The following SUCLG2 variants were observed in gnomAD, a reference collection of about 807,000 sequenced individuals.
The protein encoded by SUCLG2 is succinate--CoA ligase [GDP-forming] subunit beta, mitochondrial.
Under a neutral mutation model 47.9 loss-of-function variants are expected in SUCLG2, and 42 were observed. That is an observed-to-expected ratio of 0.88 (90% CI 0.69 to 1.14). The LOEUF (loss-of-function observed/expected upper bound fraction) is 1.14, where lower values mean the gene tolerates loss of function less well. Ranked by LOEUF, SUCLG2 falls within the 50% of genes most tolerant of loss-of-function variation. The probability of loss-of-function intolerance (pLI) is 0.00; values close to 1 mark genes in which losing one functional copy is unlikely to be tolerated. For missense variants in SUCLG2, 571 were observed against 525.9 expected, an observed-to-expected ratio of 1.09 and a Z score of -0.84; for synonymous variants, 195 against 197.3, an observed-to-expected ratio of 0.99 and a Z score of 0.10.
At chr3:67,364,587 T>C (rs1296299284) in intron 10 of SUCLG2, among the ~76,000 whole-genome samples, 1 of 152,154 alleles carries the variant, frequency 6.6e-6, no homozygotes, top group African/African-American at 2.4e-5. Flanking sequence ...CCAGGAGTGA[T>C]AAGGAGCCTC....
At chr3:67,416,965 A>C (rs2106849153) in intron 9 of SUCLG2, among the ~76,000 whole-genome samples, 1 of 152,286 alleles carries the variant, frequency 6.6e-6, no homozygotes, top group African/African-American at 2.4e-5. Context: ...CTGTGGAAAA[A>C]CCAACCTTAT....
intron 2 of SUCLG2, among the ~76,000 whole-genome samples, chr3:67,607,087 T>C (rs1700432564): frequency 6.6e-6 from 1 of 152,192 alleles, no homozygotes; most frequent in African/African-American, 2.4e-5. Context: ...TACTGATACC[T>C]GGACAAGACT....
At chr3:67,477,780 C>G (rs1704806011) in intron 9 of SUCLG2, among the ~76,000 whole-genome samples, 1 of 152,152 alleles carries the variant, frequency 6.6e-6, no homozygotes, top group Non-Finnish European at 1.5e-5. Flanking sequence ...AATTATCTCT[C>G]TTTTGTTCAC....
intron 10 of SUCLG2, 97 bp downstream of exon 10, chr3:67,400,634 C>G (rs374285525): frequency 1.3e-6 from 2 of 1,516,132 alleles, no homozygotes; most frequent in African/African-American, 2.8e-5. Flanking sequence ...TCTAGTGTTT[C>G]GTTCTGTTAT....
chr3:67,494,525 C>T (rs1286925904), intron 9 of SUCLG2, among the ~76,000 whole-genome samples: 1 of 152,050 alleles, frequency 6.6e-6, no homozygotes, highest in Non-Finnish European at 1.5e-5. Flanking sequence ...ACTCAAGAGG[C>T]TGTGCGAGGA....
intron 4 of SUCLG2, among the ~76,000 whole-genome samples, chr3:67,523,186 C>T (rs1244909467): frequency 6.6e-6 from 1 of 152,114 alleles, no homozygotes; most frequent in African/African-American, 2.4e-5. Context: ...CACAAAAACA[C>T]TTAAGTTTTA....
Position 67,523,549 on chromosome 3 carries a change from AC to A in SUCLG2, c.418-2916del, listed in dbSNP as rs369719911. ...GTAGGACAATATTTGAAGCAAAAAT[AC>A]TTAGCCCTATTCTTTCCTTATAAAA... On this transcript the variant is annotated intron_variant, in intron 4 of 10. Transcript: ENST00000307227. Among the ~76,000 whole-genome samples, 914 of 152,302 alleles carry A rather than the reference AC, an allele frequency of 6.0e-3. 9 individuals carry two copies. Among genetic ancestry groups the A allele is most frequent in the Non-Finnish European group, 9.6e-3 (650 of 68,020 alleles).
intron 9 of SUCLG2, among the ~76,000 whole-genome samples, chr3:67,462,709 C>T (rs1328464251): frequency 6.6e-6 from 1 of 152,150 alleles, no homozygotes; most frequent in Non-Finnish European, 1.5e-5. Context: ...ATGAATTGAA[C>T]CCAAGGAAGA....
intron 10 of SUCLG2, among the ~76,000 whole-genome samples, chr3:67,369,254 T>G (rs760231066): frequency 2.6e-5 from 4 of 152,186 alleles, no homozygotes. Flanking sequence ...TTAAAAAATG[T>G]TTTTCTTCAG....
At chr3:67,471,520 TAC>T (rs1704604623) in intron 9 of SUCLG2, among the ~76,000 whole-genome samples, 1 of 152,152 alleles carries the variant, frequency 6.6e-6, no homozygotes, top group Admixed American at 6.5e-5. Flanking sequence ...TTCATTCTTC[TAC>T]AGTTACAGGG....
chr3:67,653,973 C>A (rs1182093441), intron 1 of SUCLG2, among the ~76,000 whole-genome samples: 1 of 152,196 alleles, frequency 6.6e-6, no homozygotes, highest in Admixed American at 6.5e-5. Flanking sequence ...CCTTGACCCA[C>A]GGATTTGACC....
intron 1 of SUCLG2, among the ~76,000 whole-genome samples, chr3:67,625,880 T>C (rs978578931): frequency 6.6e-6 from 1 of 150,922 alleles, no homozygotes; most frequent in African/African-American, 2.5e-5. Flanking sequence ...ATAGCAGCAC[T>C]AGGGGAAAAA....
At chr3:67,606,197 C>T (rs148700599) in intron 2 of SUCLG2, among the ~76,000 whole-genome samples, 1 of 151,946 alleles carries the variant, frequency 6.6e-6, no homozygotes. Context: ...AGAGTGAGAC[C>T]CTGTCTCTAA....
At chr3:67,529,799 T>C (rs1237500027) in intron 2 of SUCLG2, among the ~76,000 whole-genome samples, 1 of 152,244 alleles carries the variant, frequency 6.6e-6, no homozygotes, top group Non-Finnish European at 1.5e-5. Context: ...GGAAAGTGGT[T>C]GTGGAATCTT....
At chr3:67,467,403 G>A (rs1290947346) in intron 9 of SUCLG2, among the ~76,000 whole-genome samples, 2 of 152,180 alleles carry the variant, frequency 1.3e-5, no homozygotes, top group African/African-American at 4.8e-5. Context: ...TCTCTAGAGA[G>A]AACAACTTTG....
At chr3:67,469,660 C>T (rs1230266062) in intron 9 of SUCLG2, among the ~76,000 whole-genome samples, 3 of 151,184 alleles carry the variant, frequency 2.0e-5, no homozygotes, top group Admixed American at 6.6e-5. Context: ...ACCCAGGAGG[C>T]GGAGGTTGCA....
chr3:67,402,149 C>G (rs1353387600), intron 9 of SUCLG2, among the ~76,000 whole-genome samples: 1 of 152,208 alleles, frequency 6.6e-6, no homozygotes, highest in Non-Finnish European at 1.5e-5. Flanking sequence ...CTCTCTTGAA[C>G]ATTTCCTCAT....
intron 10 of SUCLG2, among the ~76,000 whole-genome samples, chr3:67,379,221 G>A (rs1702099899): frequency 2.0e-5 from 3 of 152,096 alleles, no homozygotes; most frequent in African/African-American, 7.2e-5. Context: ...TCTGGGATTA[G>A]AAGCATGAGC....
In SUCLG2 at chr3:67,443,420, G is replaced by A. The variant is rs1459768961; in HGVS notation, c.1063-42569C>T. Among the ~76,000 whole-genome samples the A allele has an allele frequency of 4.0e-5, 3 of 74,686 alleles. 1 individual carries two copies. Among genetic ancestry groups the A allele is most frequent in the Non-Finnish European group, 8.9e-5 (3 of 33,604 alleles). The allele number at this position is 74,686 out of a possible 152,430, so 49.0% of individuals were successfully genotyped here. A position where few individuals can be genotyped will look rare whatever the true frequency, so the allele number is the denominator to read the frequency against. On this transcript the variant is annotated intron_variant, in intron 9 of 10. Coordinates refer to ENST00000307227, the MANE Select transcript of SUCLG2 (RefSeq NM_003848.4). ...CGGGGCCCGAGGGCAAGGAGCAGCC[G>A]CCTGCCTTGGCCTCCCAAAGTGCCG...
Sources: gnomAD v4.1 joint callset for allele counts (sites outside exome capture counted in the v4.1 genomes callset) on GRCh38, gnomAD v4.1.1 for gene constraint, MANE v1.5 for transcripts, NCBI Gene and HGNC (gene_info 2026-07-23, HGNC 2026-07-21) for gene names.